The following KCTD18 variants were observed in gnomAD, a reference collection of about 807,000 sequenced individuals.
The protein encoded by KCTD18 is potassium channel tetramerization domain containing 18, also known as BTB/POZ domain-containing protein KCTD18.
KCTD18 carries 22 observed loss-of-function variants against 30.4 expected under a neutral mutation model. That is an observed-to-expected ratio of 0.72 (90% confidence interval 0.52 to 1.03). KCTD18 has a LOEUF of 1.03. Ranked by LOEUF, KCTD18 falls within the 50% of genes least tolerant of loss-of-function variation. The probability of loss-of-function intolerance (pLI) is 0.00; values close to 1 mark genes in which losing one functional copy is unlikely to be tolerated. For missense variants in KCTD18, 529 were observed against 547.6 expected (o/e 0.97, Z 0.34); for synonymous variants, 186 against 209.0 (o/e 0.89, Z 0.95).
chr2:200,490,219 C>A lies in KCTD18; in HGVS notation c.1162G>T (p.Ala388Ser). The A allele has an allele frequency of 6.3e-7, 1 of 1,580,352 alleles. No homozygotes were observed. The change falls in exon 7 of 7, where the codon GCG becomes TCG. Residue 388 changes from alanine (A) to serine (S), a missense_variant. Transcript: ENST00000359878. Reference protein sequence around the residue: ...KLKRTPLCATAPCLPSPTATR... With the variant: ...KLKRTPLCATSPCLPSPTATR... ...GCCGTGGGGGAGGGCAGGCAAGGCG[C>A]GGTGGCGCACAGCGGAGTCCTCTTC...
rs552462430 is a variant in KCTD18, at chr2:200,492,441, T to C, written c.764+731A>G. Among the ~76,000 whole-genome samples, 6 of 152,334 alleles carry C rather than the reference T, an allele frequency of 3.9e-5. No homozygotes were observed. In the East Asian group the frequency reaches 7.7e-4, roughly 20 times the overall value. On this transcript the variant is annotated intron_variant, in intron 6 of 6. Transcript: ENST00000359878. ...GGTAAAATAAATGATAATAAAATTA[T>C]GGCTTTTAAGAAATAAGATCTGTTT...
In KCTD18 at chr2:200,506,867, T is replaced by A; in HGVS notation, c.150A>T (p.Thr50=). The A allele has an allele frequency of 6.2e-7, 1 of 1,613,792 alleles. No individual in the cohort carries two copies. Among genetic ancestry groups the A allele is most frequent in the African/African-American group, 1.3e-5 (1 of 75,034 alleles). ...SMFSGRFPLK[T]DESGACVIDR... ...ACTTTAGACATTTACCTGACTCATC[T>A]GTTTTTAGAGGAAAGCGACCACTGA... The change falls in exon 2 of 7, where the codon ACA becomes ACT. Residue 50 remains threonine (T), a synonymous_variant. Transcript: ENST00000359878.
chr2:200,492,055 G>A (rs1013285147), intron 6 of KCTD18, among the ~76,000 whole-genome samples: 2 of 152,118 alleles, frequency 1.3e-5, no homozygotes, highest in African/African-American at 2.4e-5. Context: ...ATAATGCTTC[G>A]TAAACTTGTA....
chr2:200,497,787 T>A lies in KCTD18; in HGVS notation c.627A>T (p.Lys209Asn). The A allele has an allele frequency of 1.2e-6, 2 of 1,612,870 alleles. No homozygotes were observed. Among genetic ancestry groups the A allele is most frequent in the Non-Finnish European group, 1.7e-6 (2 of 1,179,232 alleles). Residue 209 changes from lysine (K) to asparagine (N), a missense_variant, in exon 5 of 7, where the codon AAA (lysine) becomes AAT (asparagine). By Grantham distance (94) the Lys-to-Asn change is moderately conservative. Transcript: ENST00000359878. ...CCCAAGCATCAAAGGCATCCATCAT[T>A]TTCTTCAACTCTGCTACTGAATAAT... is the stretch of plus-strand genomic sequence containing the variant. ...WSYYSVAELK[K>N]MMDAFDAWEG...
intron 3 of KCTD18, among the ~76,000 whole-genome samples, chr2:200,502,380 C>A (rs2029903334): frequency 6.6e-6 from 1 of 152,044 alleles, no homozygotes. Flanking sequence ...GTAATTTCCC[C>A]AAAATTTCCC....
intron 6 of KCTD18, among the ~76,000 whole-genome samples, chr2:200,490,955 G>A (rs1422117066): frequency 6.6e-6 from 1 of 151,992 alleles, no homozygotes; most frequent in Non-Finnish European, 1.5e-5. Flanking sequence ...ATCACAAATT[G>A]TTTTTCCCAG....
chr2:200,502,151 G>C lies in KCTD18; in HGVS notation c.372+2597C>G, dbSNP rs550142154. Among the ~76,000 whole-genome samples the C allele has an allele frequency of 2.5e-4, 38 of 152,064 alleles. No individual in the cohort carries two copies. In the East Asian group the frequency reaches 5.2e-3, roughly 21 times the overall value. On this transcript the variant is annotated intron_variant, in intron 3 of 6. Coordinates refer to ENST00000359878, the MANE Select transcript of KCTD18 (RefSeq NM_152387.4). ...GGGGACTGTTGTGGGGTGGGGGTAGGGGGGAGGGATAGCATTGGGAGATAT... is the reference window on the plus strand; with the variant it reads ...GGGGACTGTTGTGGGGTGGGGGTAGCGGGGAGGGATAGCATTGGGAGATAT...
chr2:200,497,621 T>C lies in KCTD18; in HGVS notation c.661+132A>G, dbSNP rs796655389. On this transcript the variant is annotated intron_variant, in intron 5 of 6. Transcript: ENST00000359878. ...TTGTAAGTAAACTGCCTCAGTGTTA[T>C]CATGAGATGACAAATACATTGTAAG... 5.5e-5 allele frequency: 38 copies of C among 689,090 alleles called. No homozygotes were observed. The African/African-American group carries it at 6.4e-4, about 12-fold the overall frequency. The allele number at this position is 689,090 out of a possible 1,614,324, so 42.7% of individuals were successfully genotyped here. A position where few individuals can be genotyped will look rare whatever the true frequency, so the allele number is the denominator to read the frequency against.
At chr2:200,496,523 T>A (rs2088000625) in intron 5 of KCTD18, 1 of 152,478 alleles carries the variant, frequency 6.6e-6, no homozygotes, top group Non-Finnish European at 1.5e-5. Context: ...AGACGGAGTT[T>A]CATTCTTGTT....
intron 3 of KCTD18, 44 bp from the exon 4 acceptor site, chr2:200,499,128 T>A: frequency 7.1e-7 from 1 of 1,414,084 alleles, no homozygotes; most frequent in Non-Finnish European, 9.6e-7. Flanking sequence ...AATTCTAGAG[T>A]AAAATAAAAA....
At chr2:200,503,201 C>A (rs2029970262) in intron 3 of KCTD18, among the ~76,000 whole-genome samples, 1 of 152,272 alleles carries the variant, frequency 6.6e-6, no homozygotes, top group South Asian at 2.1e-4. Flanking sequence ...ACTGTTATAT[C>A]CCAAGTGTCT....
chr2:200,507,780 G>T (rs776782840), intron 1 of KCTD18, among the ~76,000 whole-genome samples: 1 of 152,162 alleles, frequency 6.6e-6, no homozygotes, highest in African/African-American at 2.4e-5. Context: ...TAATTCTTAA[G>T]TTAGGTAACT....
Position 200,498,323 on chromosome 2 carries a change from C to T in KCTD18, c.567-476G>A, listed in dbSNP as rs1019282765. 3.3e-5 allele frequency among the ~76,000 whole-genome samples: 5 copies of T among 152,196 alleles called. 1 individual carries two copies. The highest frequency in any genetic ancestry group is 6.5e-5 in the Admixed American group (1 of 15,286). On this transcript the variant is annotated intron_variant, in intron 4 of 6. Transcript: ENST00000359878. ...ATTAGTCACTAATATTCGACCCAAT[C>T]CCATCTGCCAGAGAATTTTTTTAAA...
In KCTD18 at chr2:200,490,186, G is replaced by T. The variant is rs766133705; in HGVS notation, c.1195C>A (p.Gln399Lys). The change falls in exon 7 of 7, where the codon CAG becomes AAG. Residue 399 changes from glutamine (Q) to lysine (K), a missense_variant. Coordinates refer to ENST00000359878, the MANE Select transcript of KCTD18 (RefSeq NM_152387.4). ...PCLPSPTATR[Q>K]ANSLKPLPGE... Reference sequence around the variant, plus strand: ...GGAAGCGGCTTGAGGGAGTTGGCCTGCCTCGTGGCCGTGGGGGAGGGCAGG... The same window carrying T: ...GGAAGCGGCTTGAGGGAGTTGGCCTTCCTCGTGGCCGTGGGGGAGGGCAGG... 2 of 1,613,852 alleles carry T rather than the reference G, an allele frequency of 1.2e-6. No homozygotes were observed. The highest frequency in any genetic ancestry group is 1.7e-6 in the Non-Finnish European group (2 of 1,179,750).
intron 3 of KCTD18, among the ~76,000 whole-genome samples, chr2:200,499,301 C>T (rs949078477): frequency 6.6e-6 from 1 of 152,058 alleles, no homozygotes; most frequent in Non-Finnish European, 1.5e-5. Context: ...AAAATACCCC[C>T]CAAAACCCCA....
At chr2:200,497,541 A>G in intron 5 of KCTD18, 2 of 481,418 alleles carry the variant, frequency 4.2e-6, no homozygotes. Context: ...AAACATACCT[A>G]GTTACTGAAT....
intron 6 of KCTD18, 148 bp downstream of exon 6, chr2:200,493,024 T>C: frequency 1.7e-6 from 1 of 589,182 alleles, no homozygotes; most frequent in Non-Finnish European, 3.0e-6. Context: ...TATCAAGATC[T>C]ATATTTTGAT....
rs1477501519 is a variant in KCTD18 at position 200,489,900 on chromosome 2, A to G, written c.*200T>C. 3 of 549,142 alleles carry G rather than the reference A, an allele frequency of 5.5e-6. No homozygotes were observed. The East Asian group carries it at 8.9e-5, about 16-fold the overall frequency. The allele number at this position is 549,142 out of a possible 1,614,324, so 34.0% of individuals were successfully genotyped here. ...AAACTGCCCATAGACAATCATATAA[A>G]AGTTGGGAAAATGAGAAATGGAGCC... is the stretch of plus-strand genomic sequence containing the variant. On this transcript the variant is annotated 3_prime_UTR_variant, in exon 7 of 7. Coordinates refer to ENST00000359878, the MANE Select transcript of KCTD18 (RefSeq NM_152387.4).
At chr2:200,494,078 C>T (rs1249324421) in intron 5 of KCTD18, among the ~76,000 whole-genome samples, 2 of 152,144 alleles carry the variant, frequency 1.3e-5, no homozygotes, top group Non-Finnish European at 2.9e-5. Flanking sequence ...CTTGAAGCCT[C>T]GAAAACATTA....
Sources: gnomAD v4.1 joint callset for allele counts (sites outside exome capture counted in the v4.1 genomes callset) on GRCh38, gnomAD v4.1.1 for gene constraint, MANE v1.5 for transcripts, NCBI Gene and HGNC (gene_info 2026-07-23, HGNC 2026-07-21) for gene names.